Variants in SIPA1L3 observed in about 807,000 individuals in gnomAD.
SIPA1L3 encodes signal-induced proliferation-associated 1-like protein 3.
A neutral mutation model predicts 150.1 loss-of-function variants in SIPA1L3; 59 were observed. The observed-to-expected ratio is 0.39, with a 90% CI of 0.32 to 0.49. The LOEUF (loss-of-function observed/expected upper bound fraction) is 0.49. SIPA1L3 is among the 20% of genes least tolerant of loss of function. The pLI is 0.86. For synonymous variants in SIPA1L3, 1,070 were observed against 1,077.6 expected (o/e 0.99, Z 0.14); for missense variants, 2,211 against 2,489.5 (o/e 0.89, Z 2.38).
intron 1 of SIPA1L3, among the ~76,000 whole-genome samples, chr19:37,947,347 G>C (rs534012569): frequency 3.9e-5 from 6 of 152,042 alleles, no homozygotes; most frequent in African/African-American, 1.4e-4. Flanking sequence ...AAATTAGCTG[G>C]GTGTGGTGGC....
At position 38,119,636 on chromosome 19, in the gene SIPA1L3, G is replaced by A; in HGVS notation, c.2622G>A (p.Arg874=). ...EQHSAGAIAW[R]VVAQDYAQGV... is the part of the protein sequence containing the mutation. Reference sequence around the variant, plus strand: ...ACAGTGCAGGGGCCATCGCCTGGAGGGTGGTGGCCCAGGACTACGCCCAGG... The same window carrying A: ...ACAGTGCAGGGGCCATCGCCTGGAGAGTGGTGGCCCAGGACTACGCCCAGG... The change falls in exon 9 of 22, where the codon AGG becomes AGA. Residue 874 remains arginine (R), a synonymous_variant. Coordinates refer to ENST00000222345, the MANE Select transcript of SIPA1L3 (RefSeq NM_015073.3). 1 of 1,614,224 alleles carries A rather than the reference G, an allele frequency of 6.2e-7. No homozygotes were observed. Among genetic ancestry groups the A allele is most frequent in the Non-Finnish European group, 8.5e-7 (1 of 1,180,024 alleles).
chr19:37,996,998 A>G (rs1043256990), intron 1 of SIPA1L3, among the ~76,000 whole-genome samples: 10 of 151,910 alleles, frequency 6.6e-5, no homozygotes, highest in African/African-American at 2.2e-4. Flanking sequence ...TGCCCGGCCA[A>G]TCCTCAGTGT....
intron 2 of SIPA1L3, among the ~76,000 whole-genome samples, chr19:38,073,657 G>T (rs1054036221): frequency 1.3e-5 from 2 of 152,170 alleles, no homozygotes; most frequent in Admixed American, 6.5e-5. Context: ...GAATGAACAC[G>T]AGGCCAGAGG....
chr19:38,043,854 C>A (rs539261771), intron 2 of SIPA1L3, among the ~76,000 whole-genome samples: 1 of 152,220 alleles, frequency 6.6e-6, no homozygotes, highest in South Asian at 2.1e-4. Context: ...GGGGCCTTTT[C>A]CTTACATGGA....
intron 1 of SIPA1L3, among the ~76,000 whole-genome samples, chr19:37,959,856 G>T (rs1469257155): frequency 6.9e-6 from 1 of 145,828 alleles, no homozygotes; most frequent in Non-Finnish European, 1.5e-5. Context: ...AGGGATCACA[G>T]CATGCGTCTA....
intron 1 of SIPA1L3, among the ~76,000 whole-genome samples, chr19:37,993,597 C>T (rs1321542020): frequency 6.6e-6 from 1 of 152,184 alleles, no homozygotes. Flanking sequence ...GTGTAAATCG[C>T]AGATACGTTC....
rs560621484 is a variant in SIPA1L3 at position 38,127,775 on chromosome 19, C to T, written c.2869-2723C>T. ...TGGCCTCCTAAAAGTGTTGAGATTA[C>T]AGAGATTACAGGTGTGAGGCACTGC... On this transcript the variant is annotated intron_variant, in intron 9 of 21. Coordinates refer to ENST00000222345, the MANE Select transcript of SIPA1L3 (RefSeq NM_015073.3). Among the ~76,000 whole-genome samples the T allele has an allele frequency of 2.0e-5, 3 of 152,208 alleles. No homozygotes were observed. In the South Asian group the frequency reaches 6.2e-4, roughly 32 times the overall value.
intron 1 of SIPA1L3, among the ~76,000 whole-genome samples, chr19:37,971,027 C>T (rs1371565156): frequency 6.6e-6 from 1 of 152,030 alleles, no homozygotes; most frequent in African/African-American, 2.4e-5. Context: ...AGAGGTTATA[C>T]CTCCTCTTTT....
intron 1 of SIPA1L3, chr19:37,964,253 A>T (rs894784348): frequency 8.5e-5 from 13 of 152,246 alleles, no homozygotes; most frequent in Admixed American, 7.8e-4. Context: ...AAATTTTTTT[A>T]AAAATTAGGC....
intron 13 of SIPA1L3, among the ~76,000 whole-genome samples, chr19:38,162,029 G>A (rs1415241328): frequency 6.6e-6 from 1 of 152,224 alleles, no homozygotes; most frequent in East Asian, 1.9e-4. Context: ...GTGACAGGGA[G>A]AGAGGGAAAT....
chr19:38,043,244 G>T (rs909404103), intron 2 of SIPA1L3, among the ~76,000 whole-genome samples: 1 of 152,202 alleles, frequency 6.6e-6, no homozygotes, highest in Non-Finnish European at 1.5e-5. Flanking sequence ...GGAGGCTGAG[G>T]CAGGAGAATC....
rs546885363 is a variant in SIPA1L3 at position 37,981,243 on chromosome 19, G to A, written c.-378-47846G>A. ...AGACCAGGAGTTCAAGACCAGCCTG[G>A]AGAATACAGCAAGACTCCCACCTCT... On this transcript the variant is annotated intron_variant, in intron 1 of 21. Coordinates refer to ENST00000222345, the MANE Select transcript of SIPA1L3 (RefSeq NM_015073.3). Among the ~76,000 whole-genome samples, 7 of 152,158 alleles carry A rather than the reference G, an allele frequency of 4.6e-5. No individual in the cohort carries two copies. The South Asian group carries it at 1.5e-3, about 32-fold the overall frequency.
chr19:38,090,911 C>T (rs1464699073), intron 4 of SIPA1L3, among the ~76,000 whole-genome samples: 2 of 152,206 alleles, frequency 1.3e-5, no homozygotes, highest in Non-Finnish European at 2.9e-5. Flanking sequence ...AGCCCTAAAG[C>T]CATGTGCGCC....
chr19:37,982,998 C>T (rs1339130668), intron 1 of SIPA1L3, among the ~76,000 whole-genome samples: 8 of 152,172 alleles, frequency 5.3e-5, no homozygotes, highest in East Asian at 1.9e-4. Context: ...CCCTCTACCC[C>T]GACATCCCAG....
rs778417810 is a variant in SIPA1L3 at position 38,088,758 on chromosome 19, G to T, written c.1572G>T (p.Gly524=). 6 of 1,614,100 alleles carry T rather than the reference G, an allele frequency of 3.7e-6. No homozygotes were observed. Among genetic ancestry groups the T allele is most frequent in the Middle Eastern group, 1.6e-4 (1 of 6,062 alleles). ...ANYFGVDEKL[G]PVAVSIKREK... ...ACTTCGGCGTGGATGAGAAGCTGGGGCCAGTGGCTGTGAGCATTAAGCGGG... is the reference window on the plus strand; with the variant it reads ...ACTTCGGCGTGGATGAGAAGCTGGGTCCAGTGGCTGTGAGCATTAAGCGGG... The change falls in exon 4 of 22, where the codon GGG becomes GGT. Residue 524 remains glycine (G), a synonymous_variant. Transcript: ENST00000222345.
intron 2 of SIPA1L3, among the ~76,000 whole-genome samples, chr19:38,055,756 A>G (rs1459202966): frequency 6.6e-6 from 1 of 152,242 alleles, no homozygotes; most frequent in Admixed American, 6.5e-5. Context: ...TGTGATGTCC[A>G]GGAATGCCAC....
intron 13 of SIPA1L3, among the ~76,000 whole-genome samples, chr19:38,162,015 C>T (rs1264118621): frequency 6.6e-6 from 1 of 152,218 alleles, no homozygotes. Flanking sequence ...GCACTTTAGC[C>T]TGGGTGACAG....
In SIPA1L3 at chr19:38,087,999, C is replaced by T. The variant is rs556972673; in HGVS notation, c.1535-722C>T. On this transcript the variant is annotated intron_variant, in intron 3 of 21. Coordinates refer to ENST00000222345, the MANE Select transcript of SIPA1L3 (RefSeq NM_015073.3). ...CGCCAATGCCCTCCAGTCTGGACAA[C>T]AGTCTCAAAAAGAAAAAAAAAGAAA... Among the ~76,000 whole-genome samples, 16 of 152,022 alleles carry T rather than the reference C, an allele frequency of 1.1e-4. No individual in the cohort carries two copies. The South Asian group carries it at 3.3e-3, about 32-fold the overall frequency.
chr19:38,082,958 A>C lies in SIPA1L3; in HGVS notation c.1393A>C (p.Ser465Arg), dbSNP rs200590315. 6.2e-7 allele frequency: 1 copy of C among 1,612,774 alleles called. No homozygotes were observed. Among genetic ancestry groups the C allele is most frequent in the Admixed American group, 1.7e-5 (1 of 59,998 alleles). ...GEGHLAEPAL[S>R]AYRTNASISV... ...GGGCCACCTGGCAGAGCCCGCCCTG[A>C]GCGCCTACCGCACCAACGCCAGCAT... Residue 465 changes from serine (S) to arginine (R), a missense_variant, in exon 3 of 22, where the codon AGC becomes CGC. Ser to Arg is a moderately radical substitution (Grantham distance 110). Transcript: ENST00000222345.
Sources: allele counts gnomAD v4.1 joint callset (sites outside exome capture counted in the v4.1 genomes callset), GRCh38; gene constraint gnomAD v4.1.1; transcripts MANE v1.5; gene names NCBI Gene and HGNC (gene_info 2026-07-23, HGNC 2026-07-21).